Variants in LAMA2 observed in about 807,000 individuals in gnomAD.
The protein encoded by LAMA2 is laminin subunit alpha 2.
LAMA2 carries 269 observed loss-of-function variants against 364.8 expected under a neutral mutation model. That is an observed-to-expected ratio of 0.74 (90% confidence interval 0.67 to 0.82). The LOEUF is 0.82. LAMA2 is among the 40% of genes least tolerant of loss of function. The pLI, the probability that LAMA2 is intolerant of heterozygous loss-of-function variation, is 0.00. For synonymous variants in LAMA2, 1,379 were observed against 1,370.6 expected, an observed-to-expected ratio of 1.01 and a Z score of -0.14; for missense variants, 3,807 against 3,873.2, an observed-to-expected ratio of 0.98 and a Z score of 0.45.
intron 1 of LAMA2, among the ~76,000 whole-genome samples, chr6:128,938,278 A>G (rs1444914289): frequency 1.3e-5 from 2 of 152,170 alleles, no homozygotes; most frequent in African/African-American, 4.8e-5. Context: ...GTGAAGATGA[A>G]ATGAAATAGT....
intron 17 of LAMA2, 140 bp from the exon 18 acceptor site, chr6:129,279,921 A>G: frequency 1.4e-6 from 1 of 720,590 alleles, no homozygotes; most frequent in Non-Finnish European, 2.6e-6. Context: ...CCAGACCCTA[A>G]TCTCTGTCTC....
At chr6:129,301,043 G>T (rs1773519410) in intron 22 of LAMA2, among the ~76,000 whole-genome samples, 171 bp downstream of exon 22, 1 of 152,160 alleles carries the variant, frequency 6.6e-6, no homozygotes, top group Non-Finnish European at 1.5e-5. Flanking sequence ...TTGTAGGAAA[G>T]ATGATGAAGT....
At chr6:129,269,709 C>T (rs265325) in intron 16 of LAMA2, among the ~76,000 whole-genome samples, 150,873 of 152,206 alleles carry the variant, frequency 0.99, 74,790 homozygotes, top group Middle Eastern at 1. Context: ...AGCAATTCTT[C>T]AGTAATAGCT....
rs977851240 is a variant in LAMA2, at chr6:129,108,770, T to C, written c.639+10355T>C. ...CAATTTTAAGATTTTGTTTTGTTTTTTGCTATCCAAGTTCCTAAGACATGT... is the reference window on the plus strand; with the variant it reads ...CAATTTTAAGATTTTGTTTTGTTTTCTGCTATCCAAGTTCCTAAGACATGT... On this transcript the variant is annotated intron_variant, in intron 4 of 64. Coordinates refer to ENST00000421865, the MANE Select transcript of LAMA2 (RefSeq NM_000426.4). Among the ~76,000 whole-genome samples, 13 of 152,180 alleles carry C rather than the reference T, an allele frequency of 8.5e-5. 1 individual carries two copies. Among genetic ancestry groups the C allele is most frequent in the Admixed American group, 2.0e-4 (3 of 15,264 alleles).
intron 44 of LAMA2, 149 bp downstream of exon 44, chr6:129,443,217 T>C (rs971896835): frequency 3.6e-6 from 2 of 562,624 alleles, no homozygotes; most frequent in Non-Finnish European, 6.4e-6. Context: ...TAATGGTAGA[T>C]GCGTAAAAGG....
intron 64 of LAMA2, among the ~76,000 whole-genome samples, chr6:129,515,362 C>G (rs144828993): frequency 2.6e-5 from 4 of 152,202 alleles, no homozygotes; most frequent in African/African-American, 9.7e-5. Context: ...GGGGGCCCAA[C>G]GACAGCTCCT....
At chr6:128,891,022 A>G (rs1054310808) in intron 1 of LAMA2, among the ~76,000 whole-genome samples, 2 of 152,132 alleles carry the variant, frequency 1.3e-5, no homozygotes, top group Non-Finnish European at 2.9e-5. Context: ...TTGTGTATGT[A>G]TGTGATTGCA....
chr6:129,282,733 G>C (rs1414847307), intron 18 of LAMA2, among the ~76,000 whole-genome samples: 1 of 152,160 alleles, frequency 6.6e-6, no homozygotes, highest in Middle Eastern at 3.4e-3. Flanking sequence ...GAATCATTCA[G>C]CTTCTTTCAT....
chr6:129,433,087 T>C (rs1395232232), intron 41 of LAMA2, among the ~76,000 whole-genome samples: 2 of 152,070 alleles, frequency 1.3e-5, no homozygotes, highest in Non-Finnish European at 2.9e-5. Context: ...TAATCAGATA[T>C]ACAGCACATC....
At chr6:129,386,659 T>A in intron 35 of LAMA2, among the ~76,000 whole-genome samples, 1 of 152,150 alleles carries the variant, frequency 6.6e-6, no homozygotes. Flanking sequence ...AAAACACTAA[T>A]AATAAATAAA....
In LAMA2 at chr6:129,328,379, C is replaced by A. The variant is rs1775429966; in HGVS notation, c.4278C>A (p.Ser1426Arg). 1 of 1,613,930 alleles carries A rather than the reference C, an allele frequency of 6.2e-7. No individual in the cohort carries two copies. The highest frequency in any genetic ancestry group is 8.5e-7 in the Non-Finnish European group (1 of 1,179,768). Residue 1426 changes from serine (S) to arginine (R), a missense_variant, in exon 29 of 65, where the codon AGC (serine) becomes AGA (arginine). By Grantham distance (110) the Ser-to-Arg change is moderately radical. Transcript: ENST00000421865. ...TTCCATGTCAATGTAATGGACACAGCAGCCTGTGTGACCCTGAAACATCGA... is the reference window on the plus strand; with the variant it reads ...TTCCATGTCAATGTAATGGACACAGAAGCCTGTGTGACCCTGAAACATCGA... ...TCVPCQCNGH[S>R]SLCDPETSIC...
chr6:129,129,648 G>A (rs1028694441), intron 4 of LAMA2, among the ~76,000 whole-genome samples: 2 of 152,126 alleles, frequency 1.3e-5, no homozygotes, highest in African/African-American at 4.8e-5. Flanking sequence ...ATTTTGGCCG[G>A]GCGCGGTGGC....
chr6:128,905,870 T>A (rs1021536962), intron 1 of LAMA2, among the ~76,000 whole-genome samples: 4 of 152,094 alleles, frequency 2.6e-5, no homozygotes, highest in African/African-American at 9.7e-5. Flanking sequence ...CACCTATGAT[T>A]GAGAACATGC....
intron 1 of LAMA2, among the ~76,000 whole-genome samples, chr6:128,943,306 A>T (rs998377734): frequency 3.4e-5 from 4 of 118,898 alleles, no homozygotes; most frequent in Non-Finnish European, 7.5e-5. Context: ...AGAGAGAGAG[A>T]GTCAGTCTTG....
At chr6:129,152,863 T>G (rs953323885) in intron 7 of LAMA2, among the ~76,000 whole-genome samples, 1 of 152,140 alleles carries the variant, frequency 6.6e-6, no homozygotes, top group East Asian at 1.9e-4. Context: ...CACATGCTAA[T>G]ATGGAAAGGG....
chr6:128,901,495 A>T (rs1777076055), intron 1 of LAMA2, among the ~76,000 whole-genome samples: 1 of 152,176 alleles, frequency 6.6e-6, no homozygotes, highest in Non-Finnish European at 1.5e-5. Context: ...TACCATACTT[A>T]AAAGGTTAGT....
intron 12 of LAMA2, among the ~76,000 whole-genome samples, chr6:129,209,516 A>G (rs901347030): frequency 1.3e-5 from 2 of 152,236 alleles, no homozygotes; most frequent in African/African-American, 4.8e-5. Flanking sequence ...CATAAAACTC[A>G]GCAAGGATGA....
intron 1 of LAMA2, chr6:128,928,939 T>C: frequency 1.2e-6 from 1 of 840,886 alleles, no homozygotes; most frequent in Non-Finnish European, 2.0e-6. Flanking sequence ...ACACAACAGA[T>C]AAGGGAGTAG....
At chr6:129,325,584 G>A (rs1450604312) in intron 28 of LAMA2, among the ~76,000 whole-genome samples, 1 of 151,172 alleles carries the variant, frequency 6.6e-6, no homozygotes, top group African/African-American at 2.4e-5. Context: ...TCTTTGCGTT[G>A]TCAAATACTC....
Sources: gnomAD v4.1 joint callset for allele counts (sites outside exome capture counted in the v4.1 genomes callset) on GRCh38, gnomAD v4.1.1 for gene constraint, MANE v1.5 for transcripts, NCBI Gene and HGNC (gene_info 2026-07-23, HGNC 2026-07-21) for gene names.